The following RASAL2 variants were observed in gnomAD, a reference collection of about 807,000 sequenced individuals.
The protein encoded by RASAL2 is ras GTPase-activating protein nGAP.
In RASAL2, 58 loss-of-function variants were observed where a neutral mutation model predicts 128.9. The observed-to-expected ratio is 0.45, with a 90% confidence interval of 0.36 to 0.56. RASAL2 has a LOEUF of 0.56. Ranked by LOEUF, RASAL2 falls within the 20% of genes least tolerant of loss-of-function variation. The pLI, the probability that RASAL2 is intolerant of heterozygous loss-of-function variation, is 0.00. For synonymous variants in RASAL2, 561 were observed against 580.8 expected, an observed-to-expected ratio of 0.97 and a Z score of 0.49; for missense variants, 1,360 against 1,601.6, an observed-to-expected ratio of 0.85 and a Z score of 2.57.
At chr1:178,325,509 G>A (rs1668993900) in intron 3 of RASAL2, among the ~76,000 whole-genome samples, 1 of 152,108 alleles carries the variant, frequency 6.6e-6, no homozygotes, top group African/African-American at 2.4e-5. Context: ...AGATGAGCTA[G>A]GGATAGAGCT....
intron 5 of RASAL2, among the ~76,000 whole-genome samples, chr1:178,425,175 G>A (rs1380203111): frequency 1.3e-5 from 2 of 152,102 alleles, no homozygotes; most frequent in Non-Finnish European, 2.9e-5. Context: ...AAATAGACAC[G>A]CACACAGAAC....
chr1:178,104,589 C>A (rs564581980), intron 1 of RASAL2, among the ~76,000 whole-genome samples: 2 of 152,232 alleles, frequency 1.3e-5, no homozygotes, highest in Admixed American at 6.5e-5. Flanking sequence ...ATTGGTGAAA[C>A]CTTCCTGGAA....
chr1:178,192,159 G>T (rs1662516877), intron 1 of RASAL2, among the ~76,000 whole-genome samples: 1 of 152,176 alleles, frequency 6.6e-6, no homozygotes, highest in African/African-American at 2.4e-5. Flanking sequence ...GGGAAAGGGA[G>T]TTGAAAATTA....
intron 1 of RASAL2, among the ~76,000 whole-genome samples, chr1:178,205,722 A>G (rs1472085430): frequency 1.3e-5 from 2 of 151,844 alleles, no homozygotes; most frequent in Admixed American, 6.6e-5. Flanking sequence ...GCGCCACTGC[A>G]CTCCAGCCTG....
chr1:178,371,322 C>CCACACA (rs370972772), intron 3 of RASAL2, among the ~76,000 whole-genome samples: 2,576 of 124,458 alleles, frequency 0.021, 41 homozygotes, highest in African/African-American at 0.035. Flanking sequence ...GCCTTCTTTC[C>CCACACA]CACACACACA....
chr1:178,094,477 C>T lies in RASAL2; in HGVS notation c.-16C>T, dbSNP rs1480906407. 3.3e-6 allele frequency: 5 copies of T among 1,537,106 alleles called. No homozygotes were observed. In the African/African-American group the frequency reaches 4.1e-5, roughly 13 times the overall value. On this transcript the variant is annotated 5_prime_UTR_variant, in exon 1 of 18. Transcript: ENST00000367649. ...CCCGAAGCCGCCGCCTCGTCCCCCT[C>T]CCGCCTCGGGGCACCATGGAGCTCT...
chr1:178,365,586 C>G (rs1671356265), intron 3 of RASAL2, among the ~76,000 whole-genome samples: 1 of 152,150 alleles, frequency 6.6e-6, no homozygotes, highest in African/African-American at 2.4e-5. Flanking sequence ...ATTCTCCTGC[C>G]TCAGCCTCCC....
chr1:178,172,405 C>T (rs1329399528), intron 1 of RASAL2, among the ~76,000 whole-genome samples: 1 of 151,944 alleles, frequency 6.6e-6, no homozygotes, highest in Non-Finnish European at 1.5e-5. Flanking sequence ...ATCCTGTAAG[C>T]TACCATTGAA....
At chr1:178,434,166 A>C (rs193060423) in intron 5 of RASAL2, among the ~76,000 whole-genome samples, 1 of 152,234 alleles carries the variant, frequency 6.6e-6, no homozygotes, top group East Asian at 1.9e-4. Flanking sequence ...AATTTGTTTA[A>C]TAGGTGCTAG....
rs1658579916 is a variant in RASAL2, at chr1:178,094,316, C to G, written c.-177C>G. On this transcript the variant is annotated 5_prime_UTR_variant, in exon 1 of 18. Coordinates refer to ENST00000367649, the MANE Select transcript of RASAL2 (RefSeq NM_170692.4). Reference sequence around the variant, plus strand: ...GCCGACTGCAGGTGGGCTGCATCGCCCGAGCCTCGGGCAGTGGGCGACGGG... The same window carrying G: ...GCCGACTGCAGGTGGGCTGCATCGCGCGAGCCTCGGGCAGTGGGCGACGGG... The G allele has an allele frequency of 1.7e-6, 1 of 602,578 alleles. No individual in the cohort carries two copies. The highest frequency in any genetic ancestry group is 2.0e-5 in the African/African-American group (1 of 50,260). 37.3% of individuals were successfully genotyped at this position (602,578 alleles called of 1,614,324 possible). A position where few individuals can be genotyped will look rare whatever the true frequency, so the allele number is the denominator to read the frequency against.
chr1:178,141,845 A>G (rs928272031), intron 1 of RASAL2, among the ~76,000 whole-genome samples: 5 of 152,068 alleles, frequency 3.3e-5, no homozygotes, highest in African/African-American at 1.2e-4. Context: ...AGGGATTGAA[A>G]TGTATGGCCT....
Position 178,411,780 on chromosome 1 carries a change from T to A in RASAL2, c.565-8731T>A, listed in dbSNP as rs972901862. On this transcript the variant is annotated intron_variant, in intron 4 of 17. Transcript: ENST00000367649. ...GAGATGAATCCTCGCCATGTGCTGC[T>A]TTTTTGGCTGCCCAGGATGTGGCCC... The A allele has an allele frequency of 3.8e-6, 3 of 780,002 alleles. No individual in the cohort carries two copies. In the East Asian group the frequency reaches 7.3e-5, roughly 19 times the overall value. 48.3% of individuals were successfully genotyped at this position (780,002 alleles called of 1,614,324 possible).
At position 178,266,287 on chromosome 1, in the gene RASAL2, A is replaced by G. The variant is rs1665949124; in HGVS notation, c.203-17277A>G. On this transcript the variant is annotated intron_variant, in intron 1 of 17. Coordinates refer to ENST00000367649, the MANE Select transcript of RASAL2 (RefSeq NM_170692.4). ...GCCATTCTAGTGGGTATGTAGTGCT[A>G]TCTCACTGTGGCCTTAATTTGCATT... is the stretch of plus-strand genomic sequence containing the variant. 2.0e-5 allele frequency among the ~76,000 whole-genome samples: 3 copies of G among 152,212 alleles called. No homozygotes were observed. In the South Asian group the frequency reaches 6.2e-4, roughly 32 times the overall value.
At chr1:178,136,566 G>A (rs918743022) in intron 1 of RASAL2, among the ~76,000 whole-genome samples, 13 of 151,798 alleles carry the variant, frequency 8.6e-5, no homozygotes, top group African/African-American at 2.7e-4. Flanking sequence ...GACCAGCCTG[G>A]CCAACATGGT....
chr1:178,284,598 C>G (rs1024831729), intron 2 of RASAL2, among the ~76,000 whole-genome samples: 46 of 152,300 alleles, frequency 3.0e-4, no homozygotes, highest in African/African-American at 1.1e-3. Context: ...TTTTATTCCT[C>G]AAACTGTTAC....
intron 2 of RASAL2, among the ~76,000 whole-genome samples, chr1:178,292,316 A>T (rs1667316272): frequency 6.6e-6 from 1 of 152,206 alleles, no homozygotes; most frequent in African/African-American, 2.4e-5. Context: ...TCATGTATTA[A>T]GTCAGTGTGT....
At chr1:178,201,968 A>G (rs978285997) in intron 1 of RASAL2, among the ~76,000 whole-genome samples, 2 of 152,120 alleles carry the variant, frequency 1.3e-5, no homozygotes, top group African/African-American at 4.8e-5. Flanking sequence ...TTATGTGTAA[A>G]TCTTTCTCCC....
chr1:178,457,713 G>C lies in RASAL2; in HGVS notation c.2421G>C (p.Gln807His). Reference sequence around the variant, plus strand: ...TGCATAAACTAAAATCTCCAAGCCAGGACAACACAGACAGCTACTTCAGAG... The same window carrying C: ...TGCATAAACTAAAATCTCCAAGCCACGACAACACAGACAGCTACTTCAGAG... ...SDLHKLKSPS[Q>H]DNTDSYFRGK... Residue 807 changes from glutamine (Q) to histidine (H), a missense_variant, in exon 14 of 18, where the codon CAG (glutamine) becomes CAC (histidine). By Grantham distance (24) the Gln-to-His change is conservative. Around this residue, in one of 3 missense-constraint regions of RASAL2, gnomAD observed 741 missense variants for 868.6 expected, o/e 0.85. Transcript: ENST00000367649. The C allele has an allele frequency of 6.2e-7, 1 of 1,614,100 alleles. No homozygotes were observed.
intron 1 of RASAL2, among the ~76,000 whole-genome samples, chr1:178,210,440 G>A (rs995977951): frequency 6.6e-6 from 1 of 152,090 alleles, no homozygotes; most frequent in Admixed American, 6.5e-5. Flanking sequence ...ATTGTGTGTT[G>A]AACATTATAC....
Sources: allele counts gnomAD v4.1 joint callset (sites outside exome capture counted in the v4.1 genomes callset), GRCh38; gene constraint gnomAD v4.1.1; regional missense constraint gnomAD v4.1.1; transcripts MANE v1.5; gene names NCBI Gene and HGNC (gene_info 2026-07-23, HGNC 2026-07-21).